Variants in GRIK3 observed in about 807,000 individuals in gnomAD.
The protein encoded by GRIK3 is glutamate receptor ionotropic, kainate 3.
In GRIK3, 29 loss-of-function variants were observed where a neutral mutation model predicts 102.5. The ratio of observed to expected loss-of-function variants is 0.28; its 90% CI spans 0.21 to 0.39. The LOEUF is 0.39. Ranked by LOEUF, GRIK3 falls within the 10% of genes least tolerant of loss-of-function variation. The pLI, the probability that GRIK3 is intolerant of heterozygous loss-of-function variation, is 1.00. For synonymous variants in GRIK3, 511 were observed against 504.9 expected (o/e 1.01, Z -0.16); for missense variants, 908 against 1,252.4 (o/e 0.73, Z 4.15).
intron 10 of GRIK3, among the ~76,000 whole-genome samples, chr1:36,837,541 A>G (rs1284508537): frequency 1.3e-5 from 2 of 152,192 alleles, no homozygotes; most frequent in East Asian, 3.9e-4. Context: ...GATGGCTTCC[A>G]TACTGGCTCA....
chr1:36,994,045 A>C (rs949998985), intron 1 of GRIK3, among the ~76,000 whole-genome samples: 8 of 151,702 alleles, frequency 5.3e-5, no homozygotes, highest in African/African-American at 1.5e-4. Flanking sequence ...AGACCAAAAG[A>C]CTCCATCTGT....
chr1:36,940,456 AC>A (rs1244238004), intron 1 of GRIK3, among the ~76,000 whole-genome samples: 3 of 152,260 alleles, frequency 2.0e-5, no homozygotes, highest in African/African-American at 7.2e-5. Context: ...AATTACTAAT[AC>A]AACCCACTTT....
At chr1:36,841,639 C>A (rs1640451543) in intron 10 of GRIK3, 97 bp downstream of exon 10, 2 of 1,026,516 alleles carry the variant, frequency 1.9e-6, no homozygotes, top group Non-Finnish European at 3.0e-6. Context: ...GTCCCCAGGG[C>A]CTTTTTCTGC....
At chr1:36,911,355 C>A (rs1477787386) in intron 1 of GRIK3, among the ~76,000 whole-genome samples, 3 of 152,188 alleles carry the variant, frequency 2.0e-5, no homozygotes, top group Non-Finnish European at 4.4e-5. Context: ...GTCTCTGTTT[C>A]ATCATCTGAA....
At chr1:36,832,365 A>AGCACATG (rs939087256) in intron 10 of GRIK3, among the ~76,000 whole-genome samples, 1 of 152,182 alleles carries the variant, frequency 6.6e-6, no homozygotes, top group Non-Finnish European at 1.5e-5. Flanking sequence ...CAGCTGACAG[A>AGCACATG]GCACATGGCC....
intron 1 of GRIK3, among the ~76,000 whole-genome samples, chr1:37,022,107 C>A (rs1478507451): frequency 6.6e-6 from 1 of 152,212 alleles, no homozygotes; most frequent in Non-Finnish European, 1.5e-5. Context: ...GTCTATACAG[C>A]CTGAATCTCC....
At chr1:36,836,349 G>C (rs1640378676) in intron 10 of GRIK3, among the ~76,000 whole-genome samples, 1 of 152,228 alleles carries the variant, frequency 6.6e-6, no homozygotes, top group Non-Finnish European at 1.5e-5. Flanking sequence ...ATGCCTCTGG[G>C]CAAAGCATGC....
chr1:36,989,996 A>G (rs532194475), intron 1 of GRIK3, among the ~76,000 whole-genome samples: 1 of 152,298 alleles, frequency 6.6e-6, no homozygotes, highest in South Asian at 2.1e-4. Flanking sequence ...AAGCACAGGG[A>G]GGCTAAGGTA....
At chr1:36,884,222 C>T (rs1003457455) in intron 2 of GRIK3, among the ~76,000 whole-genome samples, 1 of 152,204 alleles carries the variant, frequency 6.6e-6, no homozygotes, top group African/African-American at 2.4e-5. Context: ...GCTCTTGTCA[C>T]CTTTGAGTCA....
rs187088156 is a variant in GRIK3 at position 36,826,825 on chromosome 1, C to T, written c.1531-999G>A. On this transcript the variant is annotated intron_variant, in intron 10 of 15. Transcript: ENST00000373091. ...TTTAGCCCATCACAATTTTAATAAGCGGAAGAATTAAAGTTCAATTTTTTG... is the reference window on the plus strand; with the variant it reads ...TTTAGCCCATCACAATTTTAATAAGTGGAAGAATTAAAGTTCAATTTTTTG... 9.2e-5 allele frequency among the ~76,000 whole-genome samples: 14 copies of T among 152,058 alleles called. No homozygotes were observed. In the East Asian group the frequency reaches 1.3e-3, roughly 15 times the overall value.
rs368542145 is a variant in GRIK3 at position 36,802,011 on chromosome 1, C to T, written c.2600G>A (p.Arg867His). 37 of 1,613,130 alleles carry T rather than the reference C, an allele frequency of 2.3e-5. No homozygotes were observed. Among genetic ancestry groups the T allele is most frequent in the African/African-American group, 1.5e-4 (11 of 74,920 alleles). ...SFCSTVADEI[R>H]FSLTCQRRVK... is the part of the protein sequence containing the mutation. Reference sequence around the variant, plus strand: ...TCGACGCTGGCAGGTAAGGGAGAAACGGATCTCATCGGCCACGGTGCTGCA... The same window carrying T: ...TCGACGCTGGCAGGTAAGGGAGAAATGGATCTCATCGGCCACGGTGCTGCA... The change falls in exon 16 of 16, where the codon CGT (arginine) becomes CAT (histidine). Residue 867 changes from arginine to histidine, a missense_variant. Coordinates refer to ENST00000373091, the MANE Select transcript of GRIK3 (RefSeq NM_000831.4).
chr1:36,852,560 G>T (rs1009588088), intron 8 of GRIK3, among the ~76,000 whole-genome samples: 1 of 152,210 alleles, frequency 6.6e-6, no homozygotes, highest in African/African-American at 2.4e-5. Context: ...GCAGAGCTGT[G>T]CTTGGGGAAG....
chr1:36,985,335 G>A (rs2124370143), intron 1 of GRIK3, among the ~76,000 whole-genome samples: 3 of 152,260 alleles, frequency 2.0e-5, no homozygotes, highest in African/African-American at 7.2e-5. Flanking sequence ...TGTCCAAAGT[G>A]CTAAAAGCCT....
At chr1:36,867,790 G>A (rs1209589140) in intron 5 of GRIK3, among the ~76,000 whole-genome samples, 2 of 152,150 alleles carry the variant, frequency 1.3e-5, no homozygotes, top group African/African-American at 2.4e-5. Context: ...TCTGCACAGG[G>A]CTTGTGATTA....
chr1:36,955,438 T>G (rs1181539932), intron 1 of GRIK3, among the ~76,000 whole-genome samples: 1 of 151,980 alleles, frequency 6.6e-6, no homozygotes. Context: ...CAACACACAG[T>G]GGAACACAGG....
chr1:36,995,759 C>A (rs561021530), intron 1 of GRIK3, among the ~76,000 whole-genome samples: 1 of 152,328 alleles, frequency 6.6e-6, no homozygotes, highest in Admixed American at 6.5e-5. Context: ...TCTCTGAGAT[C>A]CCCGTCTCAG....
Position 36,880,511 on chromosome 1 carries a change from T to G in GRIK3, c.550+123A>C, listed in dbSNP as rs911667593. The G allele has an allele frequency of 5.2e-6, 5 of 954,850 alleles. No individual in the cohort carries two copies. Among genetic ancestry groups the G allele is most frequent in the African/African-American group, 1.6e-5 (1 of 62,212 alleles). 59.1% of individuals were successfully genotyped at this position (954,850 alleles called of 1,614,324 possible). ...GAACATCAGCATAACCGAGTGGAAC[T>G]GGGGTATGGAACACAGCCTCTTCCC... On this transcript the variant is annotated intron_variant, in intron 3 of 15. Coordinates refer to ENST00000373091, the MANE Select transcript of GRIK3 (RefSeq NM_000831.4). This position sits in a 1 kb window ranked among gnomAD's most constrained non-coding sequence, Gnocchi z 5.4.
intron 1 of GRIK3, among the ~76,000 whole-genome samples, chr1:36,909,426 A>G (rs1234730072): frequency 6.6e-6 from 1 of 151,782 alleles, no homozygotes; most frequent in African/African-American, 2.4e-5. Flanking sequence ...AGCCTCCTGA[A>G]TAGCTGGGAC....
chr1:37,032,982 C>G (rs1642844315), intron 1 of GRIK3, among the ~76,000 whole-genome samples: 1 of 152,170 alleles, frequency 6.6e-6, no homozygotes, highest in South Asian at 2.1e-4. Context: ...TGGTGCCAGG[C>G]GCTGGTGCTG....
Sources: gnomAD v4.1 joint callset for allele counts (sites outside exome capture counted in the v4.1 genomes callset) on GRCh38, gnomAD v4.1.1 for gene constraint, Gnocchi (gnomAD v3.1) non-coding constraint, MANE v1.5 for transcripts, NCBI Gene and HGNC (gene_info 2026-07-23, HGNC 2026-07-21) for gene names.